The following NTN1 variants were observed in gnomAD, a reference collection of about 807,000 sequenced individuals.
The protein encoded by NTN1 is netrin 1, also known as netrin-1.
A neutral mutation model predicts 54.2 loss-of-function variants in NTN1; 11 were observed. The observed-to-expected ratio is 0.20, with a 90% CI of 0.13 to 0.34. The LOEUF is 0.34. Ranked by LOEUF, NTN1 falls within the 10% of genes least tolerant of loss-of-function variation. The pLI is 1.00. For missense variants in NTN1, 740 were observed against 893.1 expected, an observed-to-expected ratio of 0.83 and a Z score of 2.18; for synonymous variants, 371 against 382.0, an observed-to-expected ratio of 0.97 and a Z score of 0.33.
the NTN1 span, among the ~76,000 whole-genome samples, chr17:9,014,822 T>A: frequency 7.2e-5 from 11 of 152,156 alleles, no homozygotes; most frequent in African/African-American, 2.7e-4. Context: ...CAGAAGCCCA[T>A]CCTTCCTCTC....
intron 5 of NTN1, among the ~76,000 whole-genome samples, chr17:9,195,159 C>A (rs1404588235): frequency 6.6e-6 from 1 of 151,888 alleles, no homozygotes; most frequent in Non-Finnish European, 1.5e-5. Context: ...GGGCAGAGGT[C>A]AGGCTGGGGG....
At chr17:9,137,819 C>T (rs114184385) in intron 2 of NTN1, among the ~76,000 whole-genome samples, 9,876 of 152,020 alleles carry the variant, frequency 0.065, 1,071 homozygotes, top group African/African-American at 0.22. Flanking sequence ...AAACTGTTGA[C>T]GGGCATCTTG....
intron 2 of NTN1, among the ~76,000 whole-genome samples, chr17:9,059,578 A>G (rs1299025421): frequency 6.6e-6 from 1 of 152,236 alleles, no homozygotes; most frequent in East Asian, 1.9e-4. Context: ...ACAAAAGGGC[A>G]CATATGATAT....
chr17:9,221,302 C>A lies in NTN1; in HGVS notation c.1486+60C>A. The A allele has an allele frequency of 7.4e-7, 1 of 1,351,608 alleles. No individual in the cohort carries two copies. Among genetic ancestry groups the A allele is most frequent in the Non-Finnish European group, 1.1e-6 (1 of 941,610 alleles). The allele number at this position is 1,351,608 out of a possible 1,614,324, so 83.7% of individuals were successfully genotyped here. A position where few individuals can be genotyped will look rare whatever the true frequency, so the allele number is the denominator to read the frequency against. On this transcript the variant is annotated intron_variant, in intron 6 of 6. Coordinates refer to ENST00000173229, the MANE Select transcript of NTN1 (RefSeq NM_004822.3). The surrounding 1 kb of genome is among the most constrained non-coding windows in gnomAD (Gnocchi z 4.5). ...AGGGGGCCACGTGACCAGCGAGGTG[C>A]TGGGGCTGGGGTGCAGCTGGCCCCC...
At chr17:9,197,658 CAAAA>C (rs112690206) in intron 5 of NTN1, among the ~76,000 whole-genome samples, 1 of 79,942 alleles carries the variant, frequency 1.3e-5, no homozygotes, top group Non-Finnish European at 2.6e-5. Flanking sequence ...AGACTCTGTC[CAAAA>C]AAAAAAAAAA....
chr17:9,242,574 C>G lies in NTN1; in HGVS notation c.*2606C>G, dbSNP rs919616913. On this transcript the variant is annotated 3_prime_UTR_variant, in exon 7 of 7. Coordinates refer to ENST00000173229, the MANE Select transcript of NTN1 (RefSeq NM_004822.3). ...ACGGAGCTGGCGACACGCCAAGCAACAAGGCATCTTGCGGAAAATTCAGCC... is the reference window on the plus strand; with the variant it reads ...ACGGAGCTGGCGACACGCCAAGCAAGAAGGCATCTTGCGGAAAATTCAGCC... The G allele has an allele frequency of 6.6e-6, 1 of 152,328 alleles. No individual in the cohort carries two copies. The highest frequency in any genetic ancestry group is 1.5e-5 in the Non-Finnish European group (1 of 68,110). The allele number at this position is 152,328 out of a possible 1,614,324, so 9.4% of individuals were successfully genotyped here.
chr17:9,017,274 CCTG>C (rs77093078), upstream of NTN1, among the ~76,000 whole-genome samples: 10,317 of 152,216 alleles, frequency 0.068, 500 homozygotes, highest in Non-Finnish European at 0.11. Context: ...GTTGTCTACA[CCTG>C]CTATTTCCAC....
At chr17:9,110,497 T>C (rs977861041) in intron 2 of NTN1, among the ~76,000 whole-genome samples, 5 of 152,058 alleles carry the variant, frequency 3.3e-5, no homozygotes, top group Admixed American at 2.0e-4. Context: ...CTTGAGCTCC[T>C]GATCTCAGGT....
chr17:9,121,558 A>G lies in NTN1; in HGVS notation c.1019-41255A>G, dbSNP rs541805544. Among the ~76,000 whole-genome samples the G allele has an allele frequency of 3.0e-4, 45 of 151,898 alleles. No individual in the cohort carries two copies. In the South Asian group the frequency reaches 8.8e-3, roughly 30 times the overall value. ...TCTGGCACTGTGATCACTGGCGCTCACTCACATGCTCTCTGCAGAGGCCCC... is the reference window on the plus strand; with the variant it reads ...TCTGGCACTGTGATCACTGGCGCTCGCTCACATGCTCTCTGCAGAGGCCCC... On this transcript the variant is annotated intron_variant, in intron 2 of 6. Coordinates refer to ENST00000173229, the MANE Select transcript of NTN1 (RefSeq NM_004822.3).
chr17:9,196,495 A>T (rs1251333829), intron 5 of NTN1, among the ~76,000 whole-genome samples: 1 of 152,194 alleles, frequency 6.6e-6, no homozygotes, highest in Non-Finnish European at 1.5e-5. Context: ...TCCTCTCGGC[A>T]GCTCTCTCCC....
chr17:9,201,521 C>G (rs1904785041), intron 5 of NTN1, among the ~76,000 whole-genome samples: 1 of 152,216 alleles, frequency 6.6e-6, no homozygotes. Context: ...TTCCCCAGCT[C>G]TAGCAGGAGC....
At position 9,182,623 on chromosome 17, in the gene NTN1, A is replaced by G. The variant is rs370646946; in HGVS notation, c.1358-293A>G. ...TACCCGCAAGGGTGGAGCTGAGTTGACGCCAGGCCCAGGGGGTGGGGGCAA... is the reference window on the plus strand; with the variant it reads ...TACCCGCAAGGGTGGAGCTGAGTTGGCGCCAGGCCCAGGGGGTGGGGGCAA... On this transcript the variant is annotated intron_variant, in intron 4 of 6. Coordinates refer to ENST00000173229, the MANE Select transcript of NTN1 (RefSeq NM_004822.3). Among the ~76,000 whole-genome samples, 22 of 152,252 alleles carry G rather than the reference A, an allele frequency of 1.4e-4. 1 individual carries two copies. In the East Asian group the frequency reaches 4.3e-3, roughly 30 times the overall value.
intron 2 of NTN1, among the ~76,000 whole-genome samples, chr17:9,097,417 G>A (rs2092135387): frequency 6.6e-6 from 1 of 152,206 alleles, no homozygotes; most frequent in Non-Finnish European, 1.5e-5. Context: ...GAGGTCGGGA[G>A]TTCAAGACCA....
rs551179198 is a variant in NTN1 at position 9,129,312 on chromosome 17, G to A, written c.1019-33501G>A. On this transcript the variant is annotated intron_variant, in intron 2 of 6. Coordinates refer to ENST00000173229, the MANE Select transcript of NTN1 (RefSeq NM_004822.3). ...CATTAAAAGGTACTTTACCTGGAAGGCCCCAGAGCCCAGGTCCAAGCAGAG... is the reference window on the plus strand; with the variant it reads ...CATTAAAAGGTACTTTACCTGGAAGACCCCAGAGCCCAGGTCCAAGCAGAG... Among the ~76,000 whole-genome samples the A allele has an allele frequency of 1.6e-3, 238 of 152,096 alleles. 1 individual carries two copies. The highest frequency in any genetic ancestry group is 3.4e-3 in the Middle Eastern group (1 of 294).
chr17:9,227,657 T>C (rs4791822), intron 6 of NTN1, among the ~76,000 whole-genome samples: 91 of 147,358 alleles, frequency 6.2e-4, no homozygotes, highest in Admixed American at 1.1e-3. Flanking sequence ...CACCATCACA[T>C]ACCACACACA....
At chr17:9,004,234 C>G in the NTN1 span, among the ~76,000 whole-genome samples, 1 of 152,354 alleles carries the variant, frequency 6.6e-6, no homozygotes, top group South Asian at 2.1e-4. Flanking sequence ...GGAGCGTGCC[C>G]GAGGCGACAC....
intron 5 of NTN1, among the ~76,000 whole-genome samples, chr17:9,188,484 T>C (rs11078791): frequency 5.6e-4 from 1 of 1,784 alleles, no homozygotes; most frequent in Non-Finnish European, 9.1e-4. Flanking sequence ...AATTAAAAAA[T>C]AAAAACAAAA....
At chr17:9,170,299 A>T (rs1056248623) in intron 3 of NTN1, among the ~76,000 whole-genome samples, 2 of 152,214 alleles carry the variant, frequency 1.3e-5, no homozygotes, top group Admixed American at 1.3e-4. Flanking sequence ...CGTTCCATGT[A>T]TGGCAGCTAT....
At chr17:9,051,179 C>T (rs894564542) in intron 2 of NTN1, among the ~76,000 whole-genome samples, 13 of 152,158 alleles carry the variant, frequency 8.5e-5, no homozygotes, top group East Asian at 1.9e-4. Context: ...AAAGTTACAC[C>T]GACTTCAAAC....
Sources: allele counts gnomAD v4.1 joint callset (sites outside exome capture counted in the v4.1 genomes callset), GRCh38; gene constraint gnomAD v4.1.1; non-coding constraint Gnocchi (gnomAD v3.1); transcripts MANE v1.5; gene names NCBI Gene and HGNC (gene_info 2026-07-23, HGNC 2026-07-21).